Variants in SPAG16 observed in about 807,000 individuals in gnomAD.
SPAG16 encodes the protein sperm-associated antigen 16 protein.
SPAG16 carries 86 observed loss-of-function variants against 80.4 expected under a neutral mutation model. That is an observed-to-expected ratio of 1.07 (90% confidence interval 0.90 to 1.28). SPAG16 has a LOEUF of 1.28. Ranked by LOEUF, SPAG16 falls within the 50% of genes most tolerant of loss-of-function variation. The pLI is 0.00. For missense variants in SPAG16, 870 were observed against 765.3 expected, an observed-to-expected ratio of 1.14 and a Z score of -1.61; for synonymous variants, 294 against 265.9, an observed-to-expected ratio of 1.11 and a Z score of -1.03.
chr2:213,519,638 A>T (rs2075582238), intron 10 of SPAG16, among the ~76,000 whole-genome samples: 1 of 152,216 alleles, frequency 6.6e-6, no homozygotes, highest in African/African-American at 2.4e-5. Context: ...CTTTATCAGT[A>T]GCATGAAAAT....
chr2:214,300,971 C>T (rs1018910229), intron 15 of SPAG16, among the ~76,000 whole-genome samples: 2 of 150,408 alleles, frequency 1.3e-5, no homozygotes, highest in South Asian at 2.1e-4. Context: ...AGCTACAGGC[C>T]AGTGTGTCAC....
intron 10 of SPAG16, among the ~76,000 whole-genome samples, chr2:213,649,471 A>T (rs1435370567): frequency 1.3e-5 from 2 of 152,236 alleles, no homozygotes; most frequent in African/African-American, 2.4e-5. Context: ...CTTATAATTT[A>T]AAAAAATAAC....
chr2:214,149,094 T>TATATATATATATATATATAC lies in SPAG16; in HGVS notation c.1594-43_1594-42insTATATATATATATATACATA, dbSNP rs1553515470. ...GTGTGTGTGTATATATATATATATA[T>TATATATATATATATATATAC]ATACATACATACACATTTTATTTTT... On this transcript the variant is annotated intron_variant, in intron 14 of 15. Transcript: ENST00000331683. The TATATATATATATATATATAC allele has an allele frequency of 1.1e-5, 8 of 706,206 alleles. No individual in the cohort carries two copies. The East Asian group carries it at 1.8e-4, about 16-fold the overall frequency. 43.7% of individuals were successfully genotyped at this position (706,206 alleles called of 1,614,324 possible). A position where few individuals can be genotyped will look rare whatever the true frequency, so the allele number is the denominator to read the frequency against.
At chr2:214,089,485 A>G (rs549088388) in intron 13 of SPAG16, among the ~76,000 whole-genome samples, 11 of 152,100 alleles carry the variant, frequency 7.2e-5, no homozygotes, top group African/African-American at 2.6e-4. Context: ...CCTTTAAATG[A>G]TGCAGGTTTT....
At chr2:213,716,769 T>G (rs1345733889) in intron 10 of SPAG16, among the ~76,000 whole-genome samples, 2 of 152,226 alleles carry the variant, frequency 1.3e-5, no homozygotes, top group Non-Finnish European at 2.9e-5. Context: ...AGTGTAATTT[T>G]TAAAATTCTA....
intron 15 of SPAG16, among the ~76,000 whole-genome samples, chr2:214,189,589 T>C (rs938855202): frequency 4.6e-5 from 7 of 152,064 alleles, no homozygotes; most frequent in Non-Finnish European, 8.8e-5. Context: ...TACAGTGAAA[T>C]GTGATCCTAG....
chr2:213,712,980 G>A (rs2066068104), intron 10 of SPAG16, among the ~76,000 whole-genome samples: 1 of 152,056 alleles, frequency 6.6e-6, no homozygotes, highest in South Asian at 2.1e-4. Flanking sequence ...CGTGGTTGGG[G>A]AGGCATCAGG....
chr2:214,021,260 A>G (rs1277599910), intron 13 of SPAG16, among the ~76,000 whole-genome samples: 1 of 152,206 alleles, frequency 6.6e-6, no homozygotes, highest in Non-Finnish European at 1.5e-5. Context: ...GATCCTAATC[A>G]TCAAAGGACT....
In SPAG16 at chr2:213,521,855, T is replaced by C. The variant is rs111557005; in HGVS notation, c.1070+31765T>C. Among the ~76,000 whole-genome samples the C allele has an allele frequency of 7.9e-4, 120 of 152,376 alleles. 2 individuals carry two copies. Among genetic ancestry groups the C allele is most frequent in the Middle Eastern group, 3.4e-3 (1 of 294 alleles). Reference sequence around the variant, plus strand: ...TTACAAATGGTAAAGTTAGCATGACTACAAAGTAAATTATTGTTTATGCTT... The same window carrying C: ...TTACAAATGGTAAAGTTAGCATGACCACAAAGTAAATTATTGTTTATGCTT... On this transcript the variant is annotated intron_variant, in intron 10 of 15. Transcript: ENST00000331683.
intron 10 of SPAG16, among the ~76,000 whole-genome samples, chr2:213,791,384 C>CT (rs2070693183): frequency 6.6e-6 from 1 of 151,784 alleles, no homozygotes; most frequent in Non-Finnish European, 1.5e-5. Context: ...TGTCACTTAT[C>CT]TTTAGTATAA....
In SPAG16 at chr2:213,365,870, C is replaced by T. The variant is rs552516648; in HGVS notation, c.832+1725C>T. Among the ~76,000 whole-genome samples, 261 of 151,794 alleles carry T rather than the reference C, an allele frequency of 1.7e-3. 5 individuals carry two copies. The South Asian group carries it at 0.024, about 14-fold the overall frequency. On this transcript the variant is annotated intron_variant, in intron 8 of 15. Transcript: ENST00000331683. ...CTAAAGAAGAAAGATAGGCCGGGCA[C>T]GGTGGCTCACGCCTGTAATCCCAGC...
rs146623337 is a variant in SPAG16, at chr2:214,185,362, T to A, written c.1720+36096T>A. ...TATTGTACAGAAGCTTATTTCTTAGTTACTGGGTAGAAGCAGTTTGTGTTT... is the reference window on the plus strand; with the variant it reads ...TATTGTACAGAAGCTTATTTCTTAGATACTGGGTAGAAGCAGTTTGTGTTT... On this transcript the variant is annotated intron_variant, in intron 15 of 15. Transcript: ENST00000331683. 2.1e-3 allele frequency among the ~76,000 whole-genome samples: 317 copies of A among 152,226 alleles called. 1 individual carries two copies. Among genetic ancestry groups the A allele is most frequent in the Non-Finnish European group, 3.5e-3 (240 of 68,012 alleles).
intron 11 of SPAG16, among the ~76,000 whole-genome samples, chr2:213,869,291 A>ACACGTATATATGTG (rs2075852529): frequency 8.1e-6 from 1 of 123,276 alleles, no homozygotes. Context: ...GTATATATAT[A>ACACGTATATATGTG]TGTATATATA....
chr2:213,841,779 A>G (rs141555162), intron 10 of SPAG16, among the ~76,000 whole-genome samples: 1,590 of 152,284 alleles, frequency 0.01, 14 homozygotes, highest in Middle Eastern at 0.017. Flanking sequence ...CATAATAAAT[A>G]CTGTATATCA....
At position 214,298,453 on chromosome 2, in the gene SPAG16, G is replaced by A. The variant is rs192321639; in HGVS notation, c.1721-111687G>A. On this transcript the variant is annotated intron_variant, in intron 15 of 15. Transcript: ENST00000331683. ...GTATTTTTTTATGATTCAGCTCCTTGCTGTGCCCTTTAGACTAGCTGGCAA... is the reference window on the plus strand; with the variant it reads ...GTATTTTTTTATGATTCAGCTCCTTACTGTGCCCTTTAGACTAGCTGGCAA... 7.2e-5 allele frequency among the ~76,000 whole-genome samples: 11 copies of A among 152,172 alleles called. No individual in the cohort carries two copies. In the Middle Eastern group the frequency reaches 0.01, roughly 141 times the overall value.
At chr2:213,368,830 A>G (rs1040683576) in intron 8 of SPAG16, among the ~76,000 whole-genome samples, 3 of 152,182 alleles carry the variant, frequency 2.0e-5, no homozygotes, top group African/African-American at 7.2e-5. Flanking sequence ...CAAAGAGAAT[A>G]AAATACCTAA....
chr2:213,931,541 C>A (rs184920323), intron 12 of SPAG16, among the ~76,000 whole-genome samples: 1 of 152,018 alleles, frequency 6.6e-6, no homozygotes, highest in Non-Finnish European at 1.5e-5. Context: ...GGTTGAGGAT[C>A]GTAATAGAAA....
chr2:213,534,984 C>A (rs1267664853), intron 10 of SPAG16, among the ~76,000 whole-genome samples: 2 of 152,078 alleles, frequency 1.3e-5, no homozygotes, highest in East Asian at 3.8e-4. Context: ...ACACACAAAG[C>A]AGGACCGTGT....
intron 9 of SPAG16, among the ~76,000 whole-genome samples, chr2:213,480,512 C>G (rs1419745068): frequency 6.6e-6 from 1 of 152,164 alleles, no homozygotes; most frequent in East Asian, 1.9e-4. Context: ...AATACCATAC[C>G]TGAAATAGGT....
Sources: gnomAD v4.1 joint callset for allele counts (sites outside exome capture counted in the v4.1 genomes callset) on GRCh38, gnomAD v4.1.1 for gene constraint, MANE v1.5 for transcripts, NCBI Gene and HGNC (gene_info 2026-07-23, HGNC 2026-07-21) for gene names.